VPS53: variants seen among roughly 807,000 people sequenced by gnomAD.
VPS53 encodes vacuolar protein sorting-associated protein 53 homolog.
A neutral mutation model predicts 107.0 loss-of-function variants in VPS53; 70 were observed. The ratio of observed to expected loss-of-function variants is 0.65; its 90% CI spans 0.54 to 0.80. The LOEUF (loss-of-function observed/expected upper bound fraction) is 0.80. Among genes scored for constraint, VPS53 ranks in the 30% least tolerant of loss-of-function variants. VPS53 has a pLI of 0.00. For synonymous variants in VPS53, 409 were observed against 393.3 expected (o/e 1.04, Z -0.47); for missense variants, 917 against 1,049.4 (o/e 0.87, Z 1.74).
At chr17:587,216 C>T (rs404530) in intron 12 of VPS53, among the ~76,000 whole-genome samples, 1 of 151,900 alleles carries the variant, frequency 6.6e-6, no homozygotes, top group South Asian at 2.1e-4. Context: ...GCACACGCCA[C>T]CACACCGAGC....
chr17:644,616 C>T (rs1567702860), intron 7 of VPS53, among the ~76,000 whole-genome samples: 1 of 151,578 alleles, frequency 6.6e-6, no homozygotes, highest in Non-Finnish European at 1.5e-5. Context: ...GACGGGTCTG[C>T]TTTCTTGCCC....
At chr17:622,130 T>C (rs1490201992) in intron 11 of VPS53, among the ~76,000 whole-genome samples, 2 of 152,002 alleles carry the variant, frequency 1.3e-5, no homozygotes, top group African/African-American at 4.8e-5. Context: ...GAGAATTGCT[T>C]GAACCTGGGA....
chr17:563,625 A>G (rs1344755166), intron 13 of VPS53, among the ~76,000 whole-genome samples: 3 of 152,184 alleles, frequency 2.0e-5, no homozygotes, highest in Non-Finnish European at 2.9e-5. Flanking sequence ...AAACTTACAT[A>G]GTATGTATTA....
intron 6 of VPS53, among the ~76,000 whole-genome samples, chr17:655,507 C>T (rs1971153221): frequency 1.3e-5 from 2 of 151,480 alleles, no homozygotes; most frequent in East Asian, 3.9e-4. Context: ...GCATATGGGC[C>T]TGTGTCACTC....
At chr17:602,020 T>A in intron 11 of VPS53, 124 bp from the exon 12 acceptor site, 1 of 627,406 alleles carries the variant, frequency 1.6e-6, no homozygotes, top group Non-Finnish European at 2.5e-6. Flanking sequence ...AAAGAAGAAC[T>A]GAGGCAACCC....
chr17:554,575 G>A (rs117033406), intron 15 of VPS53, among the ~76,000 whole-genome samples: 5 of 152,164 alleles, frequency 3.3e-5, no homozygotes, highest in African/African-American at 9.6e-5. Context: ...GGCTAATTTC[G>A]TATTTTTAGT....
chr17:707,264 G>A (rs1175212346), intron 2 of VPS53, among the ~76,000 whole-genome samples: 1 of 151,958 alleles, frequency 6.6e-6, no homozygotes, highest in Non-Finnish European at 1.5e-5. Flanking sequence ...GCTCACGCCT[G>A]TCATCCCAGC....
chr17:528,024 T>A (rs533453952), intron 19 of VPS53, among the ~76,000 whole-genome samples: 1 of 152,382 alleles, frequency 6.6e-6, no homozygotes, highest in African/African-American at 2.4e-5. Flanking sequence ...TTGTCTTATA[T>A]TAAATCTTCC....
intron 19 of VPS53, among the ~76,000 whole-genome samples, chr17:529,886 A>G (rs1597249775): frequency 1.3e-5 from 2 of 148,792 alleles, no homozygotes; most frequent in Admixed American, 1.3e-4. Context: ...AAAAAAAAAG[A>G]GCCAGCCAGG....
At chr17:574,760 C>T (rs971109374) in intron 13 of VPS53, among the ~76,000 whole-genome samples, 2 of 152,078 alleles carry the variant, frequency 1.3e-5, no homozygotes, top group African/African-American at 4.8e-5. Context: ...GAGACCCCGT[C>T]TCAAAAATAA....
chr17:630,664 T>C (rs1421090584), intron 8 of VPS53, among the ~76,000 whole-genome samples: 1 of 152,174 alleles, frequency 6.6e-6, no homozygotes, highest in Non-Finnish European at 1.5e-5. Context: ...TTCCTACATT[T>C]CTTTTATGGA....
At chr17:660,007 A>C (rs1209131525) in intron 5 of VPS53, among the ~76,000 whole-genome samples, 1 of 152,320 alleles carries the variant, frequency 6.6e-6, no homozygotes, top group South Asian at 2.1e-4. Flanking sequence ...TGCGAGACAG[A>C]AGGCCCATGG....
intron 13 of VPS53, among the ~76,000 whole-genome samples, chr17:574,877 T>G (rs1914470004): frequency 6.6e-6 from 1 of 151,846 alleles, no homozygotes; most frequent in Non-Finnish European, 1.5e-5. Flanking sequence ...TCCAGGGGGG[T>G]TCCTCAAAGA....
chr17:598,195 G>A (rs964677579), intron 12 of VPS53, among the ~76,000 whole-genome samples: 3 of 152,226 alleles, frequency 2.0e-5, no homozygotes, highest in Admixed American at 6.5e-5. Context: ...GCCCCTAACC[G>A]CAAGTGATCC....
At chr17:601,733 C>G (rs978414886) in intron 12 of VPS53, 62 bp downstream of exon 12, 7 of 1,343,516 alleles carry the variant, frequency 5.2e-6, no homozygotes, top group Non-Finnish European at 7.2e-6. Context: ...CTGGAGCAAG[C>G]AGACCGATTT....
chr17:663,418 C>T (rs941373174), intron 4 of VPS53, among the ~76,000 whole-genome samples: 2 of 152,112 alleles, frequency 1.3e-5, no homozygotes, highest in African/African-American at 2.4e-5. Flanking sequence ...CTGGACCGTC[C>T]GTGAGTAAAG....
At chr17:605,951 A>G (rs1387015029) in intron 11 of VPS53, among the ~76,000 whole-genome samples, 1 of 152,116 alleles carries the variant, frequency 6.6e-6, no homozygotes, top group Non-Finnish European at 1.5e-5. Context: ...TGGATTTTAA[A>G]AATATTCCAC....
intron 11 of VPS53, among the ~76,000 whole-genome samples, chr17:605,263 T>C (rs1048767307): frequency 1.3e-5 from 2 of 152,104 alleles, no homozygotes; most frequent in African/African-American, 4.8e-5. Flanking sequence ...AGAAGAAAAC[T>C]CAGGGAGTGG....
chr17:566,338 T>A (rs938848329), intron 13 of VPS53, among the ~76,000 whole-genome samples: 1 of 152,044 alleles, frequency 6.6e-6, no homozygotes, highest in Non-Finnish European at 1.5e-5. Flanking sequence ...GAGACAGCAC[T>A]CCAGCCAGTC....
Sources: allele counts gnomAD v4.1 joint callset (sites outside exome capture counted in the v4.1 genomes callset), GRCh38; gene constraint gnomAD v4.1.1; transcripts MANE v1.5; gene names NCBI Gene and HGNC (gene_info 2026-07-23, HGNC 2026-07-21).